Variants in IFNG-AS1 observed in about 807,000 individuals in gnomAD.
IFNG-AS1 encodes IFNG antisense RNA 1 (non-protein coding).
chr12:68,006,870 T>G (rs1359801577), intron 3 of IFNG-AS1, among the ~76,000 whole-genome samples: 2 of 152,166 alleles, frequency 1.3e-5, no homozygotes, highest in Non-Finnish European at 2.9e-5. Context: ...GACGGCAGCT[T>G]TGTGAGACCA....
chr12:68,004,268 G>A (rs189124057), intron 2 of IFNG-AS1, among the ~76,000 whole-genome samples: 1 of 152,162 alleles, frequency 6.6e-6, no homozygotes, highest in Non-Finnish European at 1.5e-5. Context: ...CAGTACTAAA[G>A]TCTCTTGTCT....
chr12:68,003,304 G>C (rs765883577), intron 2 of IFNG-AS1, among the ~76,000 whole-genome samples: 2 of 151,924 alleles, frequency 1.3e-5, no homozygotes, highest in Non-Finnish European at 2.9e-5. Context: ...TATCCAGGCT[G>C]TTCTTATTGT....
chr12:68,000,898 G>A (rs1288497856), intron 2 of IFNG-AS1, among the ~76,000 whole-genome samples: 4 of 151,926 alleles, frequency 2.6e-5, no homozygotes, highest in African/African-American at 4.8e-5. Flanking sequence ...TCTTAGAGTC[G>A]AATTTTATGT....
At position 67,995,505 on chromosome 12, in the gene IFNG-AS1, G is replaced by A. The variant is rs189612780; in HGVS notation, n.52-436G>A. 3.9e-4 allele frequency among the ~76,000 whole-genome samples: 58 copies of A among 150,042 alleles called. No individual in the cohort carries two copies. In the East Asian group the frequency reaches 6.1e-3, roughly 16 times the overall value. On this transcript the variant is annotated intron_variant and non_coding_transcript_variant, in intron 1 of 5. Transcript: ENST00000536914. ...TGGGAGGCCGAGGCGGGCAGATTAC[G>A]AGGTCAGGAGATCGAGACCATCCTG...
chr12:68,002,986 A>T (rs1879805214), intron 2 of IFNG-AS1, among the ~76,000 whole-genome samples: 1 of 152,228 alleles, frequency 6.6e-6, no homozygotes, highest in Admixed American at 6.5e-5. Context: ...TTCTAGATAT[A>T]AGGACTAAGA....
At chr12:68,017,488 G>A (rs1245918293) in intron 3 of IFNG-AS1, among the ~76,000 whole-genome samples, 1 of 152,136 alleles carries the variant, frequency 6.6e-6, no homozygotes, top group East Asian at 1.9e-4. Flanking sequence ...GAAAGGATTG[G>A]GGATGAATTT....
chr12:68,019,519 C>G lies in IFNG-AS1; in HGVS notation n.242-343C>G, dbSNP rs142940006. Among the ~76,000 whole-genome samples the G allele has an allele frequency of 7.2e-5, 11 of 152,284 alleles. No homozygotes were observed. The East Asian group carries it at 1.7e-3, about 24-fold the overall frequency. ...GAGCACAGCGTCTGGCTTTCAGAAT[C>G]TGAGTTTCCTTCCCTGTAAAGTGCA... On this transcript the variant is annotated intron_variant and non_coding_transcript_variant, in intron 3 of 5. Transcript: ENST00000536914.
At chr12:68,000,262 T>C (rs1297142138) in intron 2 of IFNG-AS1, among the ~76,000 whole-genome samples, 3 of 152,110 alleles carry the variant, frequency 2.0e-5, no homozygotes, top group Admixed American at 2.0e-4. Flanking sequence ...AATAAAAATA[T>C]TAAAAAGAAA....
intron 3 of IFNG-AS1, among the ~76,000 whole-genome samples, chr12:68,016,124 A>G (rs575548018): frequency 2.6e-5 from 4 of 152,272 alleles, no homozygotes; most frequent in African/African-American, 9.6e-5. Context: ...GTCATCATAA[A>G]CTTGTGAGAA....
At chr12:68,019,081 G>C (rs1314478029) in intron 3 of IFNG-AS1, among the ~76,000 whole-genome samples, 1 of 152,082 alleles carries the variant, frequency 6.6e-6, no homozygotes, top group East Asian at 1.9e-4. Context: ...TGAGGGAAAA[G>C]TTAAAGAGGA....
intron 3 of IFNG-AS1, among the ~76,000 whole-genome samples, chr12:68,009,844 T>G (rs1879986494): frequency 6.6e-6 from 1 of 152,150 alleles, no homozygotes. Context: ...GTACTCACTG[T>G]GGTCAGAGCT....
intron 3 of IFNG-AS1, among the ~76,000 whole-genome samples, chr12:68,014,590 T>C (rs1880104495): frequency 6.6e-6 from 1 of 152,208 alleles, no homozygotes; most frequent in African/African-American, 2.4e-5. Context: ...TTTGTATATC[T>C]TCTTTTGAGA....
At chr12:68,011,082 A>C (rs559674268) in intron 3 of IFNG-AS1, among the ~76,000 whole-genome samples, 3 of 152,140 alleles carry the variant, frequency 2.0e-5, no homozygotes, top group Non-Finnish European at 4.4e-5. Context: ...CAGTCCTCAG[A>C]GCTTTGGAGT....
chr12:68,014,794 AG>A lies in IFNG-AS1; in HGVS notation n.242-5067del, dbSNP rs1270260364. ...TAAAAGAAATGTCTTACACACACAC[AG>A]ACACACACACACACACACACAGACA... On this transcript the variant is annotated intron_variant and non_coding_transcript_variant, in intron 3 of 5. Coordinates refer to ENST00000536914, the Ensembl canonical transcript of IFNG-AS1. Among the ~76,000 whole-genome samples the A allele has an allele frequency of 8.2e-4, 18 of 21,852 alleles. No individual in the cohort carries two copies. In the Admixed American group the frequency reaches 0.011, roughly 13 times the overall value. 14.3% of individuals were successfully genotyped at this position (21,852 alleles called of 152,430 possible). A position where few individuals can be genotyped will look rare whatever the true frequency, so the allele number is the denominator to read the frequency against.
intron 1 of IFNG-AS1, among the ~76,000 whole-genome samples, chr12:67,990,676 C>T (rs1879488431): frequency 6.6e-6 from 1 of 152,000 alleles, no homozygotes; most frequent in Non-Finnish European, 1.5e-5. Context: ...TCACTGCAAC[C>T]TCCGCCTCCT....
At chr12:68,007,288 G>A (rs1158709221) in intron 3 of IFNG-AS1, among the ~76,000 whole-genome samples, 2 of 152,204 alleles carry the variant, frequency 1.3e-5, no homozygotes, top group Admixed American at 6.5e-5. Context: ...CTGGCACACA[G>A]TAAGCACTCT....
intron 3 of IFNG-AS1, among the ~76,000 whole-genome samples, chr12:68,011,616 A>T (rs1191580536): frequency 1.3e-5 from 2 of 152,198 alleles, no homozygotes; most frequent in Admixed American, 1.3e-4. Context: ...TATATTGTTT[A>T]CTTCCCACTT....
chr12:67,996,778 C>A (rs1879651797), intron 2 of IFNG-AS1, among the ~76,000 whole-genome samples: 1 of 152,144 alleles, frequency 6.6e-6, no homozygotes, highest in African/African-American at 2.4e-5. Flanking sequence ...CATTCTATGA[C>A]CTTAGGCAAA....
intron 2 of IFNG-AS1, among the ~76,000 whole-genome samples, chr12:67,996,779 C>T (rs1879651864): frequency 6.6e-6 from 1 of 152,110 alleles, no homozygotes; most frequent in African/African-American, 2.4e-5. Flanking sequence ...ATTCTATGAC[C>T]TTAGGCAAAC....
Sources: gnomAD v4.1 joint callset for allele counts (sites outside exome capture counted in the v4.1 genomes callset) on GRCh38, gnomAD v4.1.1 for gene constraint, MANE v1.5 for transcripts, NCBI Gene and HGNC (gene_info 2026-07-23, HGNC 2026-07-21) for gene names.